Variants in PSG2 observed in about 807,000 individuals in gnomAD.
The protein encoded by PSG2 is pregnancy-specific beta-1-glycoprotein 2.
In PSG2, 49 loss-of-function variants were observed where a neutral mutation model predicts 36.2. The observed-to-expected ratio is 1.35, with a 90% CI of 1.08 to 1.72. The LOEUF (loss-of-function observed/expected upper bound fraction) is 1.72. PSG2 is among the 40% of genes most tolerant of loss of function. PSG2 has a pLI of 0.00. For missense variants in PSG2, 605 were observed against 407.2 expected, an observed-to-expected ratio of 1.49 and a Z score of -4.18; for synonymous variants, 261 against 155.6, an observed-to-expected ratio of 1.68 and a Z score of -5.04.
At position 43,075,622 on chromosome 19, in the gene PSG2, G is replaced by C. The variant is rs753946050; in HGVS notation, c.441C>G (p.Pro147=). 2.0e-5 allele frequency: 33 copies of C among 1,612,500 alleles called. No individual in the cohort carries two copies. The South Asian group carries it at 3.5e-4, about 17-fold the overall frequency. The change falls in exon 3 of 6, where the codon CCC becomes CCG. Residue 147 remains proline (P), a synonymous_variant. Transcript: ENST00000406487. ...YFTFTLYLET[P]KPSISSSNLN... is the part of the protein sequence containing the mutation. Reference sequence around the variant, plus strand: ...AGTTGCTGCTGGAGATGGAGGGCTTGGGAGTCTCCACTGTGCAGAAAACAG... The same window carrying C: ...AGTTGCTGCTGGAGATGGAGGGCTTCGGAGTCTCCACTGTGCAGAAAACAG...
chr19:43,075,257 C>G, intron 3 of PSG2, 97 bp downstream of exon 3: 2 of 1,609,410 alleles, frequency 1.2e-6, no homozygotes, highest in Non-Finnish European at 1.7e-6. Context: ...GGGTAAAGGT[C>G]TCTGTACTTG....
intron 1 of PSG2, 42 bp from the exon 2 acceptor site, chr19:43,081,288 T>C (rs781131198): frequency 6.3e-7 from 1 of 1,583,766 alleles, no homozygotes; most frequent in Non-Finnish European, 8.6e-7. Context: ...GAGACCTATG[T>C]ATTGGGGTGA....
intron 2 of PSG2, among the ~76,000 whole-genome samples, chr19:43,077,501 A>T (rs1372883099): frequency 1.3e-5 from 2 of 151,762 alleles, no homozygotes; most frequent in East Asian, 3.8e-4. Flanking sequence ...CTAGAGTTTA[A>T]GTTTGTGTGA....
chr19:43,069,370 A>T (rs1967785482), intron 4 of PSG2, among the ~76,000 whole-genome samples: 1 of 151,654 alleles, frequency 6.6e-6, no homozygotes. Context: ...TCTGTCCTAA[A>T]ATTTATATTG....
intron 4 of PSG2, among the ~76,000 whole-genome samples, chr19:43,066,823 A>G (rs1159250481): frequency 1.3e-5 from 2 of 150,702 alleles, no homozygotes; most frequent in Non-Finnish European, 2.9e-5. Flanking sequence ...TCTCTACTGC[A>G]CTCAGATATT....
At chr19:43,078,235 T>A (rs1293694480) in intron 2 of PSG2, among the ~76,000 whole-genome samples, 1 of 151,722 alleles carries the variant, frequency 6.6e-6, no homozygotes, top group African/African-American at 2.4e-5. Flanking sequence ...AGAATGATAA[T>A]AGTTCCTCCA....
intron 3 of PSG2, among the ~76,000 whole-genome samples, chr19:43,074,262 T>C (rs937242905): frequency 2.6e-5 from 4 of 151,664 alleles, no homozygotes; most frequent in Non-Finnish European, 4.4e-5. Context: ...AGGGGTTGCA[T>C]TGAATCTGCA....
At chr19:43,075,288 G>A in intron 3 of PSG2, 66 bp downstream of exon 3, 1 of 1,612,526 alleles carries the variant, frequency 6.2e-7, no homozygotes, top group Non-Finnish European at 8.5e-7. Context: ...GGACTGAGAG[G>A]CCTGGCCTCT....
intron 2 of PSG2, among the ~76,000 whole-genome samples, chr19:43,076,606 T>C (rs1967899462): frequency 6.6e-6 from 1 of 151,616 alleles, no homozygotes; most frequent in African/African-American, 2.4e-5. Context: ...AACTACCCTA[T>C]GTACCTCATA....
chr19:43,076,596 A>C (rs7250302), intron 2 of PSG2, among the ~76,000 whole-genome samples: 1 of 151,184 alleles, frequency 6.6e-6, no homozygotes, highest in Non-Finnish European at 1.5e-5. Context: ...TTCTGAGTTT[A>C]ACTACCCTAT....
chr19:43,071,603 C>G, intron 4 of PSG2, 97 bp downstream of exon 4: 1 of 1,610,728 alleles, frequency 6.2e-7, no homozygotes. Context: ...GCCCATGGGA[C>G]ACAGGCTGGG....
rs750195508 is a variant in PSG2 at position 43,081,221 on chromosome 19, C to T, written c.90G>A (p.Leu30=). Residue 30 remains leucine, a synonymous_variant, in exon 2 of 6, where the codon CTG becomes CTA. Transcript: ENST00000406487. ...CAATCGTGACTTGGGCAGTGGTGGG[C>T]AGGTTCCAGAAGTTTAAAAGTGATG... ...VTASLLNFWN[L]PTTAQVTIEA... The T allele has an allele frequency of 1.5e-5, 24 of 1,612,358 alleles. No homozygotes were observed. The highest frequency in any genetic ancestry group is 7.7e-5 in the South Asian group (7 of 90,998).
rs747200267 is a variant in PSG2, at chr19:43,075,508, C to G, written c.555G>C (p.Gln185His). 42 of 1,613,264 alleles carry G rather than the reference C, an allele frequency of 2.6e-5. No individual in the cohort carries two copies. Among genetic ancestry groups the G allele is most frequent in the Non-Finnish European group, 3.4e-5 (40 of 1,179,732 alleles). Residue 185 changes from glutamine (Q) to histidine (H), a missense_variant, in exon 3 of 6, where the codon CAG (glutamine) becomes CAC (histidine). Physicochemically the swap from Gln to His is conservative, Grantham distance 24. Coordinates refer to ENST00000406487, the MANE Select transcript of PSG2 (RefSeq NM_031246.4). ...GAAACCTATGAGTCATAGGGAGGCT[C>G]TGACCATTCATCCACCACTGGTAGC... ...DTSYQWWMNG[Q>H]SLPMTHRFQL...
At chr19:43,068,455 CAA>C (rs558588522) in intron 4 of PSG2, among the ~76,000 whole-genome samples, 20 of 81,702 alleles carry the variant, frequency 2.4e-4, no homozygotes, top group Admixed American at 5.7e-4. Context: ...CTCTTTTCAA[CAA>C]AAAAAAAAAA....
intron 2 of PSG2, 25 bp from the exon 3 acceptor site, chr19:43,075,657 T>C (rs1384060053): frequency 1.3e-6 from 2 of 1,599,632 alleles, no homozygotes; most frequent in Non-Finnish European, 1.7e-6. Context: ...GAGAGAAGAT[T>C]GCCCTGTGTG....
rs766842099 is a variant in PSG2, at chr19:43,081,141, T to C, written c.170A>G (p.Asn57Ser). The change falls in exon 2 of 6, where the codon AAT becomes AGT. Residue 57 changes from asparagine (N) to serine (S), a missense_variant. Physicochemically the swap from Asn to Ser is conservative, Grantham distance 46. Transcript: ENST00000406487. The part of the protein sequence containing the change: ...EGKDVLLLVH[N>S]LPQNLTGYIW... ...GTAGCCAGTAAGATTCTGGGGCAAA[T>C]TGTGGACAAGTAGAAGAACATCCTT... The C allele has an allele frequency of 4.3e-6, 7 of 1,612,628 alleles. No homozygotes were observed. In the East Asian group the frequency reaches 8.9e-5, roughly 21 times the overall value.
intron 4 of PSG2, among the ~76,000 whole-genome samples, chr19:43,068,321 C>G (rs1289657277): frequency 6.6e-6 from 1 of 151,216 alleles, no homozygotes; most frequent in Non-Finnish European, 1.5e-5. Flanking sequence ...CACCTGTAGT[C>G]CTAGCATCTT....
chr19:43,071,668 C>T, intron 4 of PSG2, 32 bp downstream of exon 4: 2 of 1,612,656 alleles, frequency 1.2e-6, no homozygotes, highest in Non-Finnish European at 1.7e-6. Flanking sequence ...CCACCTAAAA[C>T]CCTACTGCCA....
At chr19:43,072,092 G>A in intron 3 of PSG2, 138 bp from the exon 4 acceptor site, 5 of 1,404,042 alleles carry the variant, frequency 3.6e-6, no homozygotes, top group South Asian at 1.4e-5. Flanking sequence ...TGTTCACTGA[G>A]CCGAACCCTG....
Sources: gnomAD v4.1 joint callset for allele counts (sites outside exome capture counted in the v4.1 genomes callset) on GRCh38, gnomAD v4.1.1 for gene constraint, MANE v1.5 for transcripts, NCBI Gene and HGNC (gene_info 2026-07-23, HGNC 2026-07-21) for gene names.